ROR2: variants seen among roughly 807,000 people sequenced by gnomAD.
The protein encoded by ROR2 is tyrosine-protein kinase transmembrane receptor ROR2.
In ROR2, 33 loss-of-function variants were observed where a neutral mutation model predicts 74.9. The ratio of observed to expected loss-of-function variants is 0.44; its 90% confidence interval spans 0.33 to 0.59. The LOEUF is 0.59. Ranked by LOEUF, ROR2 falls within the 20% of genes least tolerant of loss-of-function variation. ROR2 has a pLI of 0.02. For missense variants in ROR2, 1,216 were observed against 1,313.8 expected, an observed-to-expected ratio of 0.93 and a Z score of 1.15; for synonymous variants, 586 against 558.7, an observed-to-expected ratio of 1.05 and a Z score of -0.69.
intron 1 of ROR2, among the ~76,000 whole-genome samples, chr9:91,921,463 G>T (rs1226630753): frequency 1.3e-5 from 2 of 152,220 alleles, no homozygotes; most frequent in Non-Finnish European, 2.9e-5. Flanking sequence ...GGCAAAAGAG[G>T]ACACTTTTCA....
In ROR2 at chr9:91,733,253, G is replaced by A. The variant is rs758898066; in HGVS notation, c.806C>T (p.Thr269Ile). 6.2e-7 allele frequency: 1 copy of A among 1,612,878 alleles called. No individual in the cohort carries two copies. Among genetic ancestry groups the A allele is most frequent in the South Asian group, 1.1e-5 (1 of 90,920 alleles). The stretch of plus-strand genomic sequence containing the variant: ...GATGAGCGGGTTGGAGCGGGCGATG[G>A]TGTACTCCTGGCGGCACAGGTCGCT... ...LESDLCRQEY[T>I]IARSNPLILM... The change falls in exon 6 of 9, where the codon ACC (threonine) becomes ATC (isoleucine). Residue 269 changes from threonine to isoleucine, a missense_variant. By Grantham distance (89) the Thr-to-Ile change is moderately conservative. Transcript: ENST00000375708. This position sits in a 1 kb window ranked among gnomAD's most constrained non-coding sequence, Gnocchi z 5.7.
chr9:91,809,507 C>A (rs953621791), intron 1 of ROR2, among the ~76,000 whole-genome samples: 2 of 152,250 alleles, frequency 1.3e-5, no homozygotes, highest in Non-Finnish European at 2.9e-5. Context: ...CTCCGCACAG[C>A]TCTTAATAAG....
chr9:91,878,919 G>A (rs1356312925), intron 1 of ROR2, among the ~76,000 whole-genome samples: 6 of 152,144 alleles, frequency 3.9e-5, no homozygotes, highest in African/African-American at 1.4e-4. Flanking sequence ...GCAGGCGCCT[G>A]TAGTCCCGGC....
intron 1 of ROR2, among the ~76,000 whole-genome samples, chr9:91,873,367 C>T (rs1464552493): frequency 1.3e-5 from 2 of 152,008 alleles, no homozygotes; most frequent in Non-Finnish European, 2.9e-5. Context: ...GCGGGTGGAT[C>T]ACCTGAGGTC....
intron 2 of ROR2, among the ~76,000 whole-genome samples, chr9:91,762,927 G>C (rs1375558718): frequency 2.6e-5 from 4 of 152,042 alleles, no homozygotes; most frequent in Non-Finnish European, 1.5e-5. Flanking sequence ...ATATACAAGA[G>C]TCTCTCAAAA....
chr9:91,784,295 G>A (rs1041076157), intron 1 of ROR2, among the ~76,000 whole-genome samples: 1 of 152,080 alleles, frequency 6.6e-6, no homozygotes, highest in Non-Finnish European at 1.5e-5. Context: ...AATGTATCAG[G>A]ACCTGCCCTG....
intron 1 of ROR2, among the ~76,000 whole-genome samples, chr9:91,814,677 C>T (rs1173686492): frequency 6.6e-6 from 1 of 152,232 alleles, no homozygotes; most frequent in Non-Finnish European, 1.5e-5. Context: ...AATGGTAGGG[C>T]ATTACCACCA....
At chr9:91,746,070 G>GTTTA (rs995531957) in intron 4 of ROR2, among the ~76,000 whole-genome samples, 15 of 150,554 alleles carry the variant, frequency 1.0e-4, no homozygotes, top group East Asian at 5.8e-4. Flanking sequence ...TTTTTTGTTT[G>GTTTA]TTTATTTATT....
chr9:91,880,537 A>G (rs930108405), intron 1 of ROR2, among the ~76,000 whole-genome samples: 2 of 152,232 alleles, frequency 1.3e-5, no homozygotes, highest in South Asian at 4.1e-4. Context: ...GACGGTTTCC[A>G]AGAACCTCCC....
At chr9:91,778,295 G>A (rs549718715) in intron 1 of ROR2, among the ~76,000 whole-genome samples, 5 of 152,362 alleles carry the variant, frequency 3.3e-5, no homozygotes, top group East Asian at 1.9e-4. Context: ...GTTCCTGACC[G>A]AATGACTTTG....
At chr9:91,734,122 TAGA>T (rs1325179580) in intron 5 of ROR2, among the ~76,000 whole-genome samples, 1 of 152,078 alleles carries the variant, frequency 6.6e-6, no homozygotes, top group Non-Finnish European at 1.5e-5. Flanking sequence ...GTTTGGTGGT[TAGA>T]AGATGGGGTG....
At chr9:91,800,223 T>A (rs1392248643) in intron 1 of ROR2, among the ~76,000 whole-genome samples, 1 of 151,638 alleles carries the variant, frequency 6.6e-6, no homozygotes, top group African/African-American at 2.4e-5. Context: ...ACGCCTATAA[T>A]CCCAGCTACT....
At chr9:91,924,303 G>A (rs1458859578) in intron 1 of ROR2, among the ~76,000 whole-genome samples, 1 of 152,224 alleles carries the variant, frequency 6.6e-6, no homozygotes, top group Non-Finnish European at 1.5e-5. Context: ...TAGTCCCTGC[G>A]GTGGAGAGAG....
intron 1 of ROR2, among the ~76,000 whole-genome samples, chr9:91,795,096 C>T (rs1827124896): frequency 6.6e-6 from 1 of 150,900 alleles, no homozygotes; most frequent in Non-Finnish European, 1.5e-5. Context: ...CCAGCCTGGG[C>T]AACATAGCAA....
chr9:91,799,603 C>A (rs1272603799), intron 1 of ROR2, among the ~76,000 whole-genome samples: 1 of 152,218 alleles, frequency 6.6e-6, no homozygotes, highest in East Asian at 1.9e-4. Flanking sequence ...CACCTACCAG[C>A]CCTGAGCCAA....
chr9:91,731,154 G>A lies in ROR2; in HGVS notation c.939C>T (p.Tyr313=). The change falls in exon 7 of 9, where the codon TAC becomes TAT. Residue 313 remains tyrosine, a splice_region_variant and synonymous_variant. Transcript: ENST00000375708. ...TGCCTGAGCCGTTATAGCACTGATG[G>A]TCTGAACAAGGAAAACACGTTAGGA... is the stretch of plus-strand genomic sequence containing the variant. ...IGIPAERLGR[Y]HQCYNGSGMD... is the part of the protein sequence containing the mutation. The A allele has an allele frequency of 6.2e-7, 1 of 1,614,042 alleles. No homozygotes were observed. The highest frequency in any genetic ancestry group is 8.5e-7 in the Non-Finnish European group (1 of 1,180,042).
intron 1 of ROR2, among the ~76,000 whole-genome samples, chr9:91,925,506 C>T (rs564168775): frequency 7.0e-6 from 1 of 143,034 alleles, no homozygotes; most frequent in East Asian, 2.4e-4. Flanking sequence ...GTGCAGCATG[C>T]ATATGCACTT....
In ROR2 at chr9:91,730,994, T is replaced by A; in HGVS notation, c.1099A>T (p.Asn367Tyr). The change falls in exon 7 of 9, where the codon AAC becomes TAC. Residue 367 changes from asparagine (N) to tyrosine (Y), a missense_variant. Physicochemically the swap from Asn to Tyr is moderately radical, Grantham distance 143 (BLOSUM62 -2). Coordinates refer to ENST00000375708, the MANE Select transcript of ROR2 (RefSeq NM_004560.4). ...ELGGGHAYCR[N>Y]PGGQMEGPWC... ...GGGCCCTCCATCTGGCCTCCGGGGT[T>A]CCGGCAGTAGGCGTGCCCCCCTCCA... is the stretch of plus-strand genomic sequence containing the variant. 1 of 1,614,166 alleles carries A rather than the reference T, an allele frequency of 6.2e-7. No homozygotes were observed. Among genetic ancestry groups the A allele is most frequent in the Non-Finnish European group, 8.5e-7 (1 of 1,180,028 alleles).
intron 7 of ROR2, among the ~76,000 whole-genome samples, chr9:91,727,821 T>C (rs186376140): frequency 3.0e-4 from 45 of 152,298 alleles, no homozygotes; most frequent in African/African-American, 1.1e-3. Context: ...GCTAACTCGG[T>C]TCTAAAAGTG....
Sources: gnomAD v4.1 joint callset for allele counts (sites outside exome capture counted in the v4.1 genomes callset) on GRCh38, gnomAD v4.1.1 for gene constraint, Gnocchi (gnomAD v3.1) non-coding constraint, MANE v1.5 for transcripts, NCBI Gene and HGNC (gene_info 2026-07-23, HGNC 2026-07-21) for gene names.